The following TREH variants were observed in gnomAD, a reference collection of about 807,000 sequenced individuals.
TREH encodes trehalase.
TREH carries 69 observed loss-of-function variants against 80.5 expected under a neutral mutation model. The observed-to-expected ratio is 0.86, with a 90% CI of 0.71 to 1.05. The LOEUF is 1.05. TREH is among the 50% of genes least tolerant of loss of function. The pLI is 0.00. For missense variants in TREH, 716 were observed against 718.8 expected, an observed-to-expected ratio of 1.00 and a Z score of 0.04; for synonymous variants, 309 against 293.5, an observed-to-expected ratio of 1.05 and a Z score of -0.54.
At chr11:118,660,150 C>T (rs906933352) in intron 10 of TREH, among the ~76,000 whole-genome samples, 186 bp from the exon 11 acceptor site, 1 of 152,224 alleles carries the variant, frequency 6.6e-6, no homozygotes. Context: ...GCACTGCTCC[C>T]AGGGAACCAC....
In TREH at chr11:118,658,942, A is replaced by G. The variant is rs782093900; in HGVS notation, c.1508T>C (p.Phe503Ser). 31 of 1,613,764 alleles carry G rather than the reference A, an allele frequency of 1.9e-5. No individual in the cohort carries two copies. The highest frequency in any genetic ancestry group is 4.0e-5 in the African/African-American group (3 of 74,892). Residue 503 changes from phenylalanine (F) to serine (S), a missense_variant, in exon 13 of 15, where the codon TTT (phenylalanine) becomes TCT (serine). Physicochemically the swap from Phe to Ser is radical, Grantham distance 155 (BLOSUM62 -2). Coordinates refer to ENST00000264029, the MANE Select transcript of TREH (RefSeq NM_007180.3). ...QLAQNWIRTN[F>S]DVYSQKSAMY... ...GGCTGACTTCTGCGAGTAGACATCA[A>G]AATTGGTTCGGATCCAATTCTGAGC...
chr11:118,658,163 C>T lies in TREH; in HGVS notation c.*126G>A. On this transcript the variant is annotated 3_prime_UTR_variant, in exon 15 of 15. Transcript: ENST00000264029. ...TACCCATGACCTCCAGGTCGTGACC[C>T]TGCCCTCCACTTCGCTCTGAGGACA... The T allele has an allele frequency of 7.4e-7, 1 of 1,356,866 alleles. No homozygotes were observed. The highest frequency in any genetic ancestry group is 1.4e-5 in the South Asian group (1 of 69,604). 84.1% of individuals were successfully genotyped at this position (1,356,866 alleles called of 1,614,324 possible). A position where few individuals can be genotyped will look rare whatever the true frequency, so the allele number is the denominator to read the frequency against.
chr11:118,673,474 C>T (rs1207081290), intron 1 of TREH, among the ~76,000 whole-genome samples: 2 of 152,344 alleles, frequency 1.3e-5, no homozygotes, highest in South Asian at 2.1e-4. Flanking sequence ...TACTTACTGG[C>T]ATTTTGTGCC....
chr11:118,666,241 A>T (rs570695), intron 1 of TREH, among the ~76,000 whole-genome samples: 44,017 of 152,046 alleles, frequency 0.29, 6,770 homozygotes, highest in Admixed American at 0.43. Flanking sequence ...TCAAAAAAAA[A>T]AAATAAATAA....
Position 118,658,250 on chromosome 11 carries a change from T to C in TREH, c.*39A>G. On this transcript the variant is annotated 3_prime_UTR_variant, in exon 15 of 15. Transcript: ENST00000264029. Reference sequence around the variant, plus strand: ...GGCAGGAACTGGTGCAGAGGTTTAATGGGGCAGGAGCTGGGGCCAGGTGAG... The same window carrying C: ...GGCAGGAACTGGTGCAGAGGTTTAACGGGGCAGGAGCTGGGGCCAGGTGAG... 2 of 1,560,052 alleles carry C rather than the reference T, an allele frequency of 1.3e-6. No homozygotes were observed. Among genetic ancestry groups the C allele is most frequent in the South Asian group, 1.2e-5 (1 of 84,266 alleles).
intron 1 of TREH, among the ~76,000 whole-genome samples, chr11:118,665,769 T>C (rs1555145620): frequency 9.8e-5 from 15 of 152,352 alleles, no homozygotes; most frequent in Non-Finnish European, 1.5e-5. Context: ...TGAATGCAGC[T>C]GTATTGCCTA....
At chr11:118,663,750 G>A (rs1949351355) in intron 1 of TREH, among the ~76,000 whole-genome samples, 1 of 152,142 alleles carries the variant, frequency 6.6e-6, no homozygotes. Context: ...TCATACTGGT[G>A]TGGCCAATTC....
Position 118,657,479 on chromosome 11 carries a change from A to G in TREH, c.*810T>C, listed in dbSNP as rs568014044. 4 of 152,884 alleles carry G rather than the reference A, an allele frequency of 2.6e-5. No individual in the cohort carries two copies. In the East Asian group the frequency reaches 7.8e-4, roughly 30 times the overall value. 9.5% of individuals were successfully genotyped at this position (152,884 alleles called of 1,614,324 possible). ...TGAGGGTACGTGCCATCATCTCTCC[A>G]GCCCAGGCCCCTGGGCATCTCATGC... On this transcript the variant is annotated 3_prime_UTR_variant, in exon 15 of 15. Coordinates refer to ENST00000264029, the MANE Select transcript of TREH (RefSeq NM_007180.3).
At chr11:118,660,827 G>A (rs1949312866) in intron 9 of TREH, 39 bp downstream of exon 9, 2 of 1,555,916 alleles carry the variant, frequency 1.3e-6, no homozygotes, top group African/African-American at 2.7e-5. Context: ...GTGTGCAGCT[G>A]CCCTGCCCCC....
chr11:118,659,405 T>C lies in TREH; in HGVS notation c.1397A>G (p.Asn466Ser), dbSNP rs1555144316. Residue 466 changes from asparagine (N) to serine (S), a missense_variant, in exon 12 of 15, where the codon AAT becomes AGT. Asn to Ser is a conservative substitution (Grantham distance 46, BLOSUM62 1). Coordinates refer to ENST00000264029, the MANE Select transcript of TREH (RefSeq NM_007180.3). The part of the protein sequence containing the change: ...QKTGQQWDFP[N>S]AWAPLQDLVI... ...CAGGTCCTGCAGGGGGGCCCAGGCA[T>C]TGGGGAAATCCCACTGCTGGCCTGT... 8 of 1,603,484 alleles carry C rather than the reference T, an allele frequency of 5.0e-6. No homozygotes were observed. The highest frequency in any genetic ancestry group is 2.2e-5 in the East Asian group (1 of 44,684).
Position 118,659,162 on chromosome 11 carries a change from C to G in TREH, c.1433-145G>C, listed in dbSNP as rs193237937. The stretch of plus-strand genomic sequence containing the variant: ...GACCACAGGCCAAACTGCCCTTAAT[C>G]GACGGCCCTGGTTTGAAGGGCGAAC... On this transcript the variant is annotated intron_variant, in intron 12 of 14. Transcript: ENST00000264029. 5.1e-6 allele frequency: 5 copies of G among 971,106 alleles called. No individual in the cohort carries two copies. In the African/African-American group the frequency reaches 6.6e-5, roughly 13 times the overall value. 60.2% of individuals were successfully genotyped at this position (971,106 alleles called of 1,614,324 possible). A position where few individuals can be genotyped will look rare whatever the true frequency, so the allele number is the denominator to read the frequency against.
chr11:118,672,405 A>C (rs1368534660), intron 1 of TREH, among the ~76,000 whole-genome samples: 1 of 150,940 alleles, frequency 6.6e-6, no homozygotes, highest in Non-Finnish European at 1.5e-5. Flanking sequence ...CTCAGAAAAA[A>C]AAAGAAAAAA....
intron 1 of TREH, among the ~76,000 whole-genome samples, chr11:118,679,160 G>A (rs1485191400): frequency 1.3e-5 from 2 of 152,098 alleles, no homozygotes; most frequent in Non-Finnish European, 2.9e-5. Context: ...CCCTTCCAAC[G>A]GTGGAAAATT....
rs372991313 is a variant in TREH at position 118,660,940 on chromosome 11, C to T, written c.858-25G>A. The T allele has an allele frequency of 1.8e-5, 28 of 1,564,486 alleles. 1 individual carries two copies. Among genetic ancestry groups the T allele is most frequent in the South Asian group, 1.2e-5 (1 of 85,002 alleles). ...CCTGGCAAAGAGGAGAGGTGGGCAG[C>T]CTGGCACTAGTAGCTACTAAGCCCC... On this transcript the variant is annotated intron_variant, in intron 8 of 14. Transcript: ENST00000264029.
chr11:118,658,487 A>T, intron 14 of TREH, 46 bp from the exon 15 acceptor site: 1 of 1,595,006 alleles, frequency 6.3e-7, no homozygotes, highest in East Asian at 2.3e-5. Context: ...GAAGCCTCAT[A>T]CCCTTGGTGG....
At chr11:118,671,565 T>G (rs1555146277) in intron 1 of TREH, among the ~76,000 whole-genome samples, 1 of 151,948 alleles carries the variant, frequency 6.6e-6, no homozygotes, top group Admixed American at 6.6e-5. Context: ...TGCCTCAAAA[T>G]GGCAAATCTA....
Position 118,659,501 on chromosome 11 carries a change from C to G in TREH, c.1321-20G>C, listed in dbSNP as rs1181745271. ...GTTGTCCTAGAAGGTCCCAGACATT[C>G]CCATGACTGTGGGTGGGGCTGGACT... is the stretch of plus-strand genomic sequence containing the variant. On this transcript the variant is annotated intron_variant, in intron 11 of 14. Coordinates refer to ENST00000264029, the MANE Select transcript of TREH (RefSeq NM_007180.3). The G allele has an allele frequency of 2.6e-6, 4 of 1,542,936 alleles. No individual in the cohort carries two copies. The highest frequency in any genetic ancestry group is 1.8e-4 in the Middle Eastern group (1 of 5,556).
chr11:118,677,294 T>C (rs1338921537), intron 1 of TREH, among the ~76,000 whole-genome samples: 2 of 152,264 alleles, frequency 1.3e-5, no homozygotes, highest in East Asian at 3.8e-4. Flanking sequence ...TCACATGTTA[T>C]TGCTGGAAAA....
At chr11:118,671,378 A>C (rs1949427848) in intron 1 of TREH, among the ~76,000 whole-genome samples, 1 of 152,152 alleles carries the variant, frequency 6.6e-6, no homozygotes, top group Non-Finnish European at 1.5e-5. Context: ...CCTAGAGCTG[A>C]AAAATGCAAT....
Sources: gnomAD v4.1 joint callset for allele counts (sites outside exome capture counted in the v4.1 genomes callset) on GRCh38, gnomAD v4.1.1 for gene constraint, MANE v1.5 for transcripts, NCBI Gene and HGNC (gene_info 2026-07-23, HGNC 2026-07-21) for gene names.